The following MORC4 variants were observed in gnomAD, a reference collection of about 807,000 sequenced individuals.
The protein encoded by MORC4 is MORC family CW-type zinc finger 4, also known as MORC family CW-type zinc finger protein 4.
A neutral mutation model predicts 65.5 loss-of-function variants in MORC4; 22 were observed. The ratio of observed to expected loss-of-function variants is 0.34; its 90% CI spans 0.24 to 0.48. MORC4 has a LOEUF of 0.48. Among genes scored for constraint, MORC4 ranks in the 20% least tolerant of loss-of-function variants. The pLI, the probability that MORC4 is intolerant of heterozygous loss-of-function variation, is 0.99. For missense variants in MORC4, 624 were observed against 703.0 expected, an observed-to-expected ratio of 0.89 and a Z score of 1.27; for synonymous variants, 267 against 255.8, an observed-to-expected ratio of 1.04 and a Z score of -0.42.
At chrX:106,958,189 G>T in intron 11 of MORC4, 147 bp downstream of exon 11, 1 of 475,996 alleles carries the variant, frequency 2.1e-6, no homozygotes, top group Non-Finnish European at 3.4e-6. Context: ...ACCACGAAAT[G>T]TAAGGCTAGA....
chrX:106,985,315 A>C, intron 4 of MORC4, 72 bp from the exon 5 acceptor site: 2 of 818,558 alleles, frequency 2.4e-6, no homozygotes, highest in Non-Finnish European at 3.4e-6. Context: ...TGCCCTTTGG[A>C]TTGCATATTT....
chrX:106,941,816 A>T, intron 16 of MORC4, 122 bp downstream of exon 16: 1 of 863,558 alleles, frequency 1.2e-6, no homozygotes, highest in Non-Finnish European at 1.6e-6. Flanking sequence ...AGAAGTAATT[A>T]CTCAATTCTT....
intron 9 of MORC4, among the ~76,000 whole-genome samples, chrX:106,966,491 C>T (rs974500768): frequency 1.8e-5 from 2 of 112,595 alleles, no homozygotes; most frequent in Non-Finnish European, 3.8e-5. Flanking sequence ...CATCACCTCA[C>T]GGGGAAACGC....
Position 106,963,639 on chromosome X carries a change from G to A in MORC4, c.1158-1529C>T, listed in dbSNP as rs1029037016. Among the ~76,000 whole-genome samples, 6 of 111,748 alleles carry A rather than the reference G, an allele frequency of 5.4e-5. No homozygotes were observed. The South Asian group carries it at 2.2e-3, about 42-fold the overall frequency. On this transcript the variant is annotated intron_variant, in intron 9 of 16. Coordinates refer to ENST00000355610, the MANE Select transcript of MORC4 (RefSeq NM_024657.5). Reference sequence around the variant, plus strand: ...AACCCTCTACTCCTCCAGTTGAAGTGACATCCAGAGGATTCAAAGTCCTGG... The same window carrying A: ...AACCCTCTACTCCTCCAGTTGAAGTAACATCCAGAGGATTCAAAGTCCTGG...
intron 13 of MORC4, among the ~76,000 whole-genome samples, chrX:106,955,827 G>A (rs1934093792): frequency 9.0e-6 from 1 of 111,183 alleles, no homozygotes; most frequent in South Asian, 3.9e-4. Flanking sequence ...TCTAACATGC[G>A]ACTAGCAGAT....
intron 10 of MORC4, among the ~76,000 whole-genome samples, chrX:106,959,932 T>C (rs1488158203): frequency 3.5e-5 from 4 of 112,737 alleles, no homozygotes; most frequent in Non-Finnish European, 7.5e-5. Context: ...TAAAAGGCAC[T>C]CATAATTCTA....
intron 11 of MORC4, 30 bp from the exon 12 acceptor site, chrX:106,957,034 G>A: frequency 9.8e-7 from 1 of 1,023,562 alleles, no homozygotes; most frequent in Non-Finnish European, 1.4e-6. Context: ...TCATCCTTTG[G>A]AAAAAAACTG....
rs770043574 is a variant in MORC4, at chrX:106,943,049, T to C, written c.1842A>G (p.Lys614=). ...GTGGTGTACTTCTCTCAGAACTCGA[T>C]TTATCATGGCTGTTCTCCCCTTCTG... ...AYPEGENSHD[K]SSSERSTPPY... is the part of the protein sequence containing the mutation. Residue 614 remains lysine, a synonymous_variant, in exon 15 of 17, where the codon AAA becomes AAG. Coordinates refer to ENST00000355610, the MANE Select transcript of MORC4 (RefSeq NM_024657.5). 8.3e-7 allele frequency: 1 copy of C among 1,211,586 alleles called. No individual in the cohort carries two copies. Among genetic ancestry groups the C allele is most frequent in the Admixed American group, 2.2e-5 (1 of 46,016 alleles).
In MORC4 at chrX:106,948,420, C is replaced by A. The variant is rs769420739; in HGVS notation, c.1686-5215G>T. ...CAATATATATATATGCAATTATATACAAATACATATTGCTTTATGTTATTT... is the reference window on the plus strand; with the variant it reads ...CAATATATATATATGCAATTATATAAAAATACATATTGCTTTATGTTATTT... On this transcript the variant is annotated intron_variant, in intron 14 of 16. Coordinates refer to ENST00000355610, the MANE Select transcript of MORC4 (RefSeq NM_024657.5). 1.3e-4 allele frequency among the ~76,000 whole-genome samples: 15 copies of A among 111,795 alleles called. No individual in the cohort carries two copies. The South Asian group carries it at 5.5e-3, about 41-fold the overall frequency.
chrX:106,941,177 T>C lies in MORC4; in HGVS notation c.*302A>G, dbSNP rs926531647. 3 of 229,768 alleles carry C rather than the reference T, an allele frequency of 1.3e-5. No individual in the cohort carries two copies. The highest frequency in any genetic ancestry group is 2.8e-5 in the African/African-American group (1 of 35,299). The allele number at this position is 229,768 out of a possible 1,213,427, so 18.9% of individuals were successfully genotyped here. Reference sequence around the variant, plus strand: ...AACCATTTCAGAAAAAGATATACAATAGACCACATATCCAGGTCATGAAAA... The same window carrying C: ...AACCATTTCAGAAAAAGATATACAACAGACCACATATCCAGGTCATGAAAA... On this transcript the variant is annotated 3_prime_UTR_variant, in exon 17 of 17. Coordinates refer to ENST00000355610, the MANE Select transcript of MORC4 (RefSeq NM_024657.5).
At chrX:106,972,530 AT>A (rs1269411362) in intron 9 of MORC4, among the ~76,000 whole-genome samples, 1 of 111,823 alleles carries the variant, frequency 8.9e-6, no homozygotes. Context: ...GAGCCAAAAA[AT>A]AGATATAGGA....
chrX:106,993,510 G>T, intron 2 of MORC4, 148 bp from the exon 3 acceptor site: 1 of 488,278 alleles, frequency 2.0e-6, no homozygotes, highest in Non-Finnish European at 3.2e-6. Context: ...TAACGGTAGT[G>T]CACTTACTAA....
Position 106,942,927 on chromosome X carries a change from C to A in MORC4, c.1964G>T (p.Gly655Val). The change falls in exon 15 of 17, where the codon GGG becomes GTG. Residue 655 changes from glycine (G) to valine (V), a missense_variant. Gly to Val is a moderately radical substitution (Grantham distance 109, BLOSUM62 -3). Coordinates refer to ENST00000355610, the MANE Select transcript of MORC4 (RefSeq NM_024657.5). The part of the protein sequence containing the change: ...LYPGAKDQRQ[G>V]SLLPEELEDQ... ...TTCTAATTCTTCAGGAAGCAGGGAC[C>A]CCTGGCGTTGGTCTTTGGCCCCTGG... 8.3e-7 allele frequency: 1 copy of A among 1,211,698 alleles called. No individual in the cohort carries two copies. The highest frequency in any genetic ancestry group is 3.0e-5 in the East Asian group (1 of 33,844).
chrX:106,954,146 A>C (rs150771965), intron 14 of MORC4, among the ~76,000 whole-genome samples: 2,125 of 112,427 alleles, frequency 0.019, 52 homozygotes, highest in African/African-American at 0.065. Context: ...GAACATAGAC[A>C]TTTCTACTAT....
chrX:106,960,566 T>G (rs1293813138), intron 10 of MORC4, among the ~76,000 whole-genome samples: 1 of 111,919 alleles, frequency 8.9e-6, no homozygotes, highest in East Asian at 2.8e-4. Flanking sequence ...TAATAATATC[T>G]AACAGGTAGG....
chrX:106,961,760 G>A (rs754875581), intron 10 of MORC4, among the ~76,000 whole-genome samples: 4 of 111,740 alleles, frequency 3.6e-5, no homozygotes, highest in Admixed American at 9.5e-5. Flanking sequence ...AACCCACTCA[G>A]GTCCCCTTCC....
intron 14 of MORC4, among the ~76,000 whole-genome samples, chrX:106,948,899 G>A (rs943450669): frequency 9.0e-6 from 1 of 111,231 alleles, no homozygotes; most frequent in Non-Finnish European, 1.9e-5. Flanking sequence ...ATGAATCTCC[G>A]TATTTATCCT....
intron 9 of MORC4, among the ~76,000 whole-genome samples, chrX:106,975,642 G>T (rs1207972924): frequency 9.0e-6 from 1 of 111,055 alleles, no homozygotes; most frequent in Non-Finnish European, 1.9e-5. Flanking sequence ...CAAGGAAAAT[G>T]ACCGCAAATG....
Position 106,955,001 on chromosome X carries a change from G to C in MORC4, c.1597C>G (p.Pro533Ala). The change falls in exon 14 of 17, where the codon CCT becomes GCT. Residue 533 changes from proline to alanine, a missense_variant. By Grantham distance (27) the Pro-to-Ala change is conservative. Transcript: ENST00000355610. ...KTIGYEGIHSPSVLPSGGEES... is the reference protein window; with the variant it reads ...KTIGYEGIHSASVLPSGGEES... The stretch of plus-strand genomic sequence containing the variant: ...TCTCCACCAGAAGGAAGCACACTAG[G>C]GCTATGAATTCCCTCATATCCAATT... 8.3e-7 allele frequency: 1 copy of C among 1,205,866 alleles called. No individual in the cohort carries two copies. The highest frequency in any genetic ancestry group is 1.1e-6 in the Non-Finnish European group (1 of 890,864).
Sources: allele counts gnomAD v4.1 joint callset (sites outside exome capture counted in the v4.1 genomes callset), GRCh38; gene constraint gnomAD v4.1.1; transcripts MANE v1.5; gene names NCBI Gene and HGNC (gene_info 2026-07-23, HGNC 2026-07-21).